ZNG1B: variants seen among roughly 807,000 people sequenced by gnomAD.
ZNG1B encodes the protein Zn regulated GTPase metalloprotein activator 1B.
the ZNG1B span, chr2:113,438,934 A>G: frequency 6.5e-7 from 1 of 1,538,158 alleles, no homozygotes; most frequent in Non-Finnish European, 8.8e-7. Flanking sequence ...TTGTTTTTTA[A>G]AAAACTTTGT....
the ZNG1B span, among the ~76,000 whole-genome samples, chr2:113,473,123 G>C: frequency 6.7e-5 from 10 of 150,354 alleles, no homozygotes; most frequent in Admixed American, 6.0e-4. Flanking sequence ...CATGAGCATG[G>C]AATGTTCTTC....
chr2:113,470,086 G>T, the ZNG1B span: 2 of 151,788 alleles, frequency 1.3e-5, no homozygotes, highest in African/African-American at 4.8e-5. Flanking sequence ...CCATTTCCTG[G>T]GTTCAAATGA....
the ZNG1B span, among the ~76,000 whole-genome samples, chr2:113,440,154 G>C: frequency 3.3e-5 from 5 of 151,916 alleles, no homozygotes; most frequent in Admixed American, 3.3e-4. Context: ...AAAGTGCTGG[G>C]ATTACAGGCG....
At chr2:113,458,321 G>A in the ZNG1B span, among the ~76,000 whole-genome samples, 2 of 152,154 alleles carry the variant, frequency 1.3e-5, no homozygotes, top group Non-Finnish European at 2.9e-5. Context: ...GTGCAGGGCT[G>A]ATGTCTAGAG....
chr2:113,457,170 G>C, the ZNG1B span: 1 of 454,304 alleles, frequency 2.2e-6, no homozygotes, highest in Admixed American at 2.4e-5. Context: ...AGCATTTAAT[G>C]CAATAGAAGC....
At chr2:113,468,009 A>C in the ZNG1B span, among the ~76,000 whole-genome samples, 1 of 151,894 alleles carries the variant, frequency 6.6e-6, no homozygotes, top group African/African-American at 2.4e-5. Flanking sequence ...GACTCTTGGG[A>C]GGTAGATTCA....
chr2:113,446,393 A>C, the ZNG1B span, among the ~76,000 whole-genome samples: 3 of 152,228 alleles, frequency 2.0e-5, no homozygotes, highest in African/African-American at 4.8e-5. Context: ...TTGTAAAAAA[A>C]TTTAAATACC....
At chr2:113,475,337 GCTTAGTAGATTTTC>G in the ZNG1B span, among the ~76,000 whole-genome samples, 1 of 152,122 alleles carries the variant, frequency 6.6e-6, no homozygotes, top group Non-Finnish European at 1.5e-5. Context: ...TTTTCCATTT[GCTTAGTAGATTTTC>G]CTCCATCCCT....
the ZNG1B span, among the ~76,000 whole-genome samples, chr2:113,490,061 G>A: frequency 2.7e-5 from 4 of 148,510 alleles, no homozygotes; most frequent in Non-Finnish European, 5.9e-5. Flanking sequence ...CAGAATATAC[G>A]TTCTGTTCAA....
the ZNG1B span, among the ~76,000 whole-genome samples, chr2:113,488,687 G>A: frequency 6.6e-6 from 1 of 150,474 alleles, no homozygotes; most frequent in Non-Finnish European, 1.5e-5. Flanking sequence ...AAAACTTTAG[G>A]AAATAATGGA....
chr2:113,476,490 C>G, the ZNG1B span, among the ~76,000 whole-genome samples: 1,645 of 149,788 alleles, frequency 0.011, 36 homozygotes, highest in African/African-American at 0.039. Context: ...TCTCTCAGCT[C>G]GTCAAAGTCA....
the ZNG1B span, chr2:113,454,762 C>G: frequency 6.3e-7 from 1 of 1,575,186 alleles, no homozygotes; most frequent in African/African-American, 1.4e-5. Flanking sequence ...ATAGTGGATT[C>G]AAAATATGGA....
chr2:113,478,037 C>T, the ZNG1B span, among the ~76,000 whole-genome samples: 1 of 151,932 alleles, frequency 6.6e-6, no homozygotes, highest in Admixed American at 6.6e-5. Flanking sequence ...CTACATATAC[C>T]ACATTTACTT....
At chr2:113,454,744 T>C in the ZNG1B span, 3 of 1,578,742 alleles carry the variant, frequency 1.9e-6, no homozygotes, top group Non-Finnish European at 2.6e-6. Context: ...TTTGTAGGTA[T>C]CATAACTATA....
chr2:113,480,864 A>AT, the ZNG1B span, among the ~76,000 whole-genome samples: 6 of 108,372 alleles, frequency 5.5e-5, no homozygotes, highest in Admixed American at 1.0e-4. Context: ...GATTTTTTAC[A>AT]TTTTATGCGT....
At chr2:113,474,238 T>G in the ZNG1B span, among the ~76,000 whole-genome samples, 31 of 152,110 alleles carry the variant, frequency 2.0e-4, no homozygotes, top group African/African-American at 7.2e-4. Flanking sequence ...GTCAAGGAAT[T>G]TATCCATTTC....
At chr2:113,438,177 G>A in the ZNG1B span, among the ~76,000 whole-genome samples, 4 of 152,136 alleles carry the variant, frequency 2.6e-5, no homozygotes, top group Admixed American at 2.6e-4. Flanking sequence ...CGTATGGGTT[G>A]CCTCTCATCT....
chr2:113,473,586 C>T, the ZNG1B span, among the ~76,000 whole-genome samples: 1 of 151,604 alleles, frequency 6.6e-6, no homozygotes, highest in African/African-American at 2.4e-5. Context: ...GGAATGCTTC[C>T]AGTTTTTGCC....
the ZNG1B span, among the ~76,000 whole-genome samples, chr2:113,480,347 C>T: frequency 9.9e-5 from 15 of 151,622 alleles, no homozygotes; most frequent in African/African-American, 2.4e-4. Context: ...GCTCTCGCTA[C>T]GTTGCTCAGG....
Sources: allele counts gnomAD v4.1 joint callset (sites outside exome capture counted in the v4.1 genomes callset), GRCh38; gene constraint gnomAD v4.1.1; transcripts MANE v1.5; gene names NCBI Gene and HGNC (gene_info 2026-07-23, HGNC 2026-07-21).